Variants in MSL3B observed in about 807,000 individuals in gnomAD.
The protein encoded by MSL3B is MSL complex subunit 3 pseudogene 1.
the MSL3B span, chr2:233,866,650 C>A: frequency 1.3e-6 from 1 of 790,856 alleles, no homozygotes; most frequent in South Asian, 1.3e-5. Context: ...AGGACCGCCT[C>A]AGAGACTGCA....
chr2:233,866,729 G>C, the MSL3B span: 6 of 794,644 alleles, frequency 7.6e-6, no homozygotes, highest in East Asian at 1.5e-4. Flanking sequence ...ACTCTCTGTA[G>C]ACTGCGGCCT....
chr2:233,866,307 G>C, the MSL3B span: 1 of 783,120 alleles, frequency 1.3e-6, no homozygotes, highest in Non-Finnish European at 2.3e-6. Context: ...AGAATTTCTG[G>C]AAGTTTGACA....
chr2:233,865,506 A>G, the MSL3B span: 1 of 152,330 alleles, frequency 6.6e-6, no homozygotes, highest in East Asian at 1.9e-4. Context: ...GGGAACCGTA[A>G]CATTACACAA....
the MSL3B span, chr2:233,866,682 G>A: frequency 2.3e-5 from 18 of 789,376 alleles, no homozygotes; most frequent in East Asian, 4.8e-5. Context: ...TCGGCTTTGC[G>A]CCTTTTAGGG....
At chr2:233,866,203 G>A in the MSL3B span, 8 of 662,278 alleles carry the variant, frequency 1.2e-5, no homozygotes, top group Non-Finnish European at 2.3e-5. Flanking sequence ...ACTCTGGGAA[G>A]AAGTCATCGT....
At chr2:233,866,490 T>A in the MSL3B span, 1 of 1,255,616 alleles carries the variant, frequency 8.0e-7, no homozygotes, top group Non-Finnish European at 1.2e-6. Context: ...GGAGTCAGAG[T>A]AGGTGAAGAT....
the MSL3B span, chr2:233,866,482 A>C: frequency 2.1e-4 from 269 of 1,269,524 alleles, 1 homozygote; most frequent in African/African-American, 3.7e-3. Flanking sequence ...CCTGGCTAGG[A>C]GTCAGAGTAG....
chr2:233,866,122 C>T, the MSL3B span: 1 of 576,938 alleles, frequency 1.7e-6, no homozygotes, highest in South Asian at 1.4e-5. Flanking sequence ...TCTTACAGAA[C>T]CATCAACACT....
chr2:233,866,567 T>C, the MSL3B span: 2 of 907,088 alleles, frequency 2.2e-6, no homozygotes. Flanking sequence ...GGTGGACATG[T>C]CCTGCTGCCA....
chr2:233,865,738 A>C, the MSL3B span: 1 of 165,114 alleles, frequency 6.1e-6, no homozygotes, highest in African/African-American at 2.4e-5. Context: ...AAGAGAATGA[A>C]ACCAATTTGC....
At chr2:233,866,818 A>C in the MSL3B span, 2 of 966,924 alleles carry the variant, frequency 2.1e-6, no homozygotes, top group Non-Finnish European at 3.4e-6. Context: ...CCTTAATTGC[A>C]AGAAAAACCT....
chr2:233,866,430 T>C, the MSL3B span: 1 of 1,228,902 alleles, frequency 8.1e-7, no homozygotes, highest in Non-Finnish European at 1.2e-6. Context: ...TTTATTTCAT[T>C]AGTTCTTCTC....
At chr2:233,865,215 G>C in the MSL3B span, among the ~76,000 whole-genome samples, 1 of 152,160 alleles carries the variant, frequency 6.6e-6, no homozygotes, top group Admixed American at 6.5e-5. Flanking sequence ...TGTCAGCATA[G>C]TGTGCAATAA....
At chr2:233,865,800 T>G in the MSL3B span, 1 of 174,390 alleles carries the variant, frequency 5.7e-6, no homozygotes, top group East Asian at 1.7e-4. Context: ...TGGTTCTTGC[T>G]GACTAACTGC....
chr2:233,867,294 C>A, the MSL3B span: 3 of 730,516 alleles, frequency 4.1e-6, no homozygotes, highest in African/African-American at 3.5e-5. Flanking sequence ...TCACTACTGT[C>A]AGAGGAACTG....
the MSL3B span, chr2:233,866,432 GTTC>G: frequency 2.4e-6 from 3 of 1,242,408 alleles, no homozygotes; most frequent in South Asian, 3.6e-5. Context: ...TATTTCATTA[GTTC>G]TTCTCCCTTC....
chr2:233,867,622 CCCA>C, the MSL3B span, among the ~76,000 whole-genome samples: 1 of 151,208 alleles, frequency 6.6e-6, no homozygotes, highest in African/African-American at 2.4e-5. Flanking sequence ...ATTATAGGCG[CCCA>C]CCACCATGTC....
chr2:233,865,943 G>A, the MSL3B span: 1 of 340,678 alleles, frequency 2.9e-6, no homozygotes, highest in East Asian at 7.9e-5. Context: ...AGGCACCTAG[G>A]AAATAATTCT....
chr2:233,867,789 ATTTTTTTTTTT>A, the MSL3B span, among the ~76,000 whole-genome samples: 2 of 72,822 alleles, frequency 2.7e-5, no homozygotes, highest in East Asian at 7.1e-4. Context: ...CTAATCTACG[ATTTTTTTTTTT>A]TTTTTTTTTT....
Sources: allele counts gnomAD v4.1 joint callset (sites outside exome capture counted in the v4.1 genomes callset), GRCh38; gene constraint gnomAD v4.1.1; transcripts MANE v1.5; gene names NCBI Gene and HGNC (gene_info 2026-07-23, HGNC 2026-07-21).